The following BRWD1 variants were observed in gnomAD, a reference collection of about 807,000 sequenced individuals.
BRWD1 encodes bromodomain and WD repeat-containing protein 1.
Under a neutral mutation model 251.2 loss-of-function variants are expected in BRWD1, and 82 were observed. That is an observed-to-expected ratio of 0.33 (90% CI 0.27 to 0.39). The LOEUF (loss-of-function observed/expected upper bound fraction) is 0.39. Ranked by LOEUF, BRWD1 falls within the 10% of genes least tolerant of loss-of-function variation. The pLI is 1.00. For synonymous variants in BRWD1, 918 were observed against 902.8 expected, an observed-to-expected ratio of 1.02 and a Z score of -0.30; for missense variants, 2,233 against 2,711.6, an observed-to-expected ratio of 0.82 and a Z score of 3.92.
chr21:39,229,179 G>A (rs552894816), intron 26 of BRWD1, 133 bp downstream of exon 26: 23 of 757,106 alleles, frequency 3.0e-5, no homozygotes, highest in African/African-American at 2.0e-4. Context: ...TCAGAAGCTC[G>A]AGCCACATCT....
intron 17 of BRWD1, among the ~76,000 whole-genome samples, chr21:39,261,745 C>CA (rs201027105): frequency 0.02 from 2,253 of 112,464 alleles, 54 homozygotes; most frequent in African/African-American, 0.07. Flanking sequence ...ATATGGAACA[C>CA]AAAAAAAAAT....
Position 39,199,636 on chromosome 21 carries a change from C to A in BRWD1, c.4780G>T (p.Gly1594Cys), listed in dbSNP as rs1230080261. Residue 1594 changes from glycine (G) to cysteine (C), a missense_variant, in exon 40 of 41, where the codon GGC becomes TGC. Physicochemically the swap from Gly to Cys is radical, Grantham distance 159. Transcript: ENST00000342449. ...ACTCTCTTTCGAGTGGCTTTTCTGC[C>A]ACATCCATTTGCTAATGAAACGGGA... Reference protein sequence around the residue: ...TGPVSLANGCGRKATRKRVYL... With the variant: ...TGPVSLANGCCRKATRKRVYL... The A allele has an allele frequency of 6.2e-6, 10 of 1,608,762 alleles. No homozygotes were observed. Among genetic ancestry groups the A allele is most frequent in the Non-Finnish European group, 8.5e-6 (10 of 1,178,402 alleles).
At chr21:39,216,646 T>A (rs976678596) in intron 31 of BRWD1, 2 of 350,520 alleles carry the variant, frequency 5.7e-6, no homozygotes, top group Admixed American at 3.4e-5. Flanking sequence ...AATAACAGAA[T>A]CTACTCAGAA....
At chr21:39,218,405 G>A in intron 30 of BRWD1, 100 bp downstream of exon 30, 1 of 1,432,014 alleles carries the variant, frequency 7.0e-7, no homozygotes, top group South Asian at 1.4e-5. Flanking sequence ...AATACAAAGT[G>A]TAGAAAAGAA....
intron 8 of BRWD1, among the ~76,000 whole-genome samples, chr21:39,283,265 C>A (rs948011286): frequency 1.3e-5 from 2 of 152,152 alleles, no homozygotes; most frequent in African/African-American, 4.8e-5. Flanking sequence ...ATTGGAATTT[C>A]AAATGTAAAT....
chr21:39,191,157 A>T lies in BRWD1; in HGVS notation c.*5102T>A. The T allele has an allele frequency of 1.0e-6, 1 of 985,306 alleles. No individual in the cohort carries two copies. The highest frequency in any genetic ancestry group is 1.2e-6 in the Non-Finnish European group (1 of 829,888). 61.0% of individuals were successfully genotyped at this position (985,306 alleles called of 1,614,324 possible). ...AGAAGTAAATACTTGTTTTCAATCT[A>T]CCCTATTACTGTACTACTGGAAAGA... On this transcript the variant is annotated 3_prime_UTR_variant, in exon 41 of 41. Coordinates refer to ENST00000342449, the MANE Select transcript of BRWD1 (RefSeq NM_033656.4).
intron 37 of BRWD1, among the ~76,000 whole-genome samples, chr21:39,203,500 G>A (rs8131965): frequency 0.31 from 40,239 of 130,200 alleles, 6,362 homozygotes; most frequent in Middle Eastern, 0.38. Context: ...TCCGCCTCCC[G>A]AGTTCACGCC....
Position 39,186,972 on chromosome 21 carries a change from A to G in BRWD1, c.*9287T>C, listed in dbSNP as rs1435567097. 6.7e-7 allele frequency: 1 copy of G among 1,503,420 alleles called. No homozygotes were observed. The highest frequency in any genetic ancestry group is 8.8e-7 in the Non-Finnish European group (1 of 1,131,692). 93.1% of individuals were successfully genotyped at this position (1,503,420 alleles called of 1,614,324 possible). A position where few individuals can be genotyped will look rare whatever the true frequency, so the allele number is the denominator to read the frequency against. ...GAGCTGGGAGCAGAATGTAACTGCC[A>G]GTTTACTTGTGTACCAATTGTTTTC... On this transcript the variant is annotated 3_prime_UTR_variant, in exon 41 of 41. Transcript: ENST00000342449.
intron 4 of BRWD1, among the ~76,000 whole-genome samples, chr21:39,300,783 T>G (rs988096259): frequency 6.6e-6 from 1 of 152,208 alleles, no homozygotes; most frequent in African/African-American, 2.4e-5. Context: ...GCCCAGATGT[T>G]CAAAAATGCT....
chr21:39,225,948 AAACATT>A (rs1482843080), intron 27 of BRWD1, among the ~76,000 whole-genome samples: 2 of 152,194 alleles, frequency 1.3e-5, no homozygotes, highest in Admixed American at 6.5e-5. Context: ...AATTTAACAT[AAACATT>A]AATTACAACT....
At position 39,192,848 on chromosome 21, in the gene BRWD1, T is replaced by C; in HGVS notation, c.*3411A>G. ...TTCAGTTGGCACAATCAAGTTCAAC[T>C]TGTACTAACAGAAAATATTAAAATT... On this transcript the variant is annotated 3_prime_UTR_variant, in exon 41 of 41. Coordinates refer to ENST00000342449, the MANE Select transcript of BRWD1 (RefSeq NM_033656.4). 1 of 984,344 alleles carries C rather than the reference T, an allele frequency of 1.0e-6. No individual in the cohort carries two copies. The highest frequency in any genetic ancestry group is 1.8e-5 in the African/African-American group (1 of 57,106). The allele number at this position is 984,344 out of a possible 1,614,324, so 61.0% of individuals were successfully genotyped here.
chr21:39,236,462 G>T, intron 23 of BRWD1, 133 bp downstream of exon 23: 1 of 806,538 alleles, frequency 1.2e-6, no homozygotes, highest in Non-Finnish European at 1.9e-6. Flanking sequence ...GCCCAGACCA[G>T]CCCCAGAGCA....
rs766617277 is a variant in BRWD1 at position 39,189,929 on chromosome 21, C to G, written c.*6330G>C. 679 of 985,262 alleles carry G rather than the reference C, an allele frequency of 6.9e-4. No individual in the cohort carries two copies. The highest frequency in any genetic ancestry group is 7.8e-4 in the Non-Finnish European group (644 of 829,914). The allele number at this position is 985,262 out of a possible 1,614,324, so 61.0% of individuals were successfully genotyped here. On this transcript the variant is annotated 3_prime_UTR_variant, in exon 41 of 41. Transcript: ENST00000342449. The stretch of plus-strand genomic sequence containing the variant: ...TAGAATCCCACCAGTCCTACTGCCT[C>G]AGATGAGTCTTGTTTCAGTCATGGG...
chr21:39,237,282 A>T (rs762203913), intron 22 of BRWD1, among the ~76,000 whole-genome samples: 1 of 152,192 alleles, frequency 6.6e-6, no homozygotes, highest in African/African-American at 2.4e-5. Context: ...AGCCTTAAGT[A>T]GTCAGTTTCT....
upstream of BRWD1, chr21:39,314,624 T>C: frequency 2.9e-6 from 1 of 340,986 alleles, no homozygotes; most frequent in Non-Finnish European, 5.8e-6. Flanking sequence ...CCTCCGCGCA[T>C]CCAGCCTGCC....
intron 23 of BRWD1, among the ~76,000 whole-genome samples, chr21:39,235,166 T>A (rs1047867502): frequency 3.3e-5 from 5 of 152,056 alleles, no homozygotes; most frequent in African/African-American, 1.2e-4. Context: ...GGATAATCAC[T>A]TGAACCCAGG....
At chr21:39,248,379 A>C (rs1256810317) in intron 20 of BRWD1, among the ~76,000 whole-genome samples, 3 of 152,096 alleles carry the variant, frequency 2.0e-5, no homozygotes, top group Non-Finnish European at 4.4e-5. Flanking sequence ...TGGGAGGACA[A>C]GGCAGGCAGA....
rs996283307 is a variant in BRWD1, at chr21:39,198,858, G to C, written c.5558C>G (p.Pro1853Arg). 1.2e-6 allele frequency: 2 copies of C among 1,613,636 alleles called. No individual in the cohort carries two copies. Among genetic ancestry groups the C allele is most frequent in the Non-Finnish European group, 1.7e-6 (2 of 1,179,582 alleles). Residue 1853 changes from proline to arginine, a missense_variant, in exon 40 of 41, where the codon CCT becomes CGT. Transcript: ENST00000342449. ...NPISGNLNCD[P>R]IAMSQCSSDH... The stretch of plus-strand genomic sequence containing the variant: ...TGAGGAACACTGGGACATAGCAATA[G>C]GGTCACAGTTCAGATTTCCTGAAAT...
chr21:39,206,696 C>A (rs2032405722), intron 36 of BRWD1, among the ~76,000 whole-genome samples: 1 of 152,146 alleles, frequency 6.6e-6, no homozygotes, highest in Admixed American at 6.5e-5. Flanking sequence ...TTTTATATAC[C>A]CATCTCTGTC....
Sources: gnomAD v4.1 joint callset for allele counts (sites outside exome capture counted in the v4.1 genomes callset) on GRCh38, gnomAD v4.1.1 for gene constraint, MANE v1.5 for transcripts, NCBI Gene and HGNC (gene_info 2026-07-23, HGNC 2026-07-21) for gene names.